Variants in AFG1L observed in about 807,000 individuals in gnomAD.
AFG1L encodes the protein AFG1 like ATPase, also known as AFG1-like ATPase.
In AFG1L, 53 loss-of-function variants were observed where a neutral mutation model predicts 62.2. The ratio of observed to expected loss-of-function variants is 0.85; its 90% CI spans 0.68 to 1.07. The LOEUF (loss-of-function observed/expected upper bound fraction) is 1.07, where lower values mean the gene tolerates loss of function less well. AFG1L is among the 50% of genes least tolerant of loss of function. The pLI is 0.00. For missense variants in AFG1L, 555 were observed against 590.5 expected, an observed-to-expected ratio of 0.94 and a Z score of 0.62; for synonymous variants, 228 against 210.3, an observed-to-expected ratio of 1.08 and a Z score of -0.73.
At chr6:108,485,656 ATTTTTTTTTTTTTTT>A (rs397842829) in intron 10 of AFG1L, among the ~76,000 whole-genome samples, 1 of 25,030 alleles carries the variant, frequency 4.0e-5, no homozygotes, top group Non-Finnish European at 5.7e-5. Flanking sequence ...ATATATATAT[ATTTTTTTTTTTTTTT>A]TTTTTTTTTT....
intron 11 of AFG1L, among the ~76,000 whole-genome samples, chr6:108,514,817 T>C (rs1774812094): frequency 6.6e-6 from 1 of 151,504 alleles, no homozygotes; most frequent in African/African-American, 2.4e-5. Flanking sequence ...ACCAAGCAAA[T>C]GGAAAACAAA....
At chr6:108,499,142 C>T (rs1474684481) in intron 10 of AFG1L, among the ~76,000 whole-genome samples, 2 of 148,706 alleles carry the variant, frequency 1.3e-5, no homozygotes, top group East Asian at 2.0e-4. Flanking sequence ...CATCTTGGTT[C>T]ACTGCAACCT....
In AFG1L at chr6:108,523,207, A is replaced by G. The variant is rs1430686661; in HGVS notation, c.*782A>G. The G allele has an allele frequency of 1.3e-5, 2 of 152,230 alleles. No homozygotes were observed. The highest frequency in any genetic ancestry group is 4.8e-5 in the African/African-American group (2 of 41,424). 9.4% of individuals were successfully genotyped at this position (152,230 alleles called of 1,614,324 possible). A position where few individuals can be genotyped will look rare whatever the true frequency, so the allele number is the denominator to read the frequency against. ...TGGGTGTCAGAGTCGTAGGCACTCCAACAGCAGAGGAGACTCCCGCTCACA... is the reference window on the plus strand; with the variant it reads ...TGGGTGTCAGAGTCGTAGGCACTCCGACAGCAGAGGAGACTCCCGCTCACA... On this transcript the variant is annotated 3_prime_UTR_variant, in exon 13 of 13. Transcript: ENST00000368977.
At chr6:108,505,304 G>A (rs1460049617) in intron 10 of AFG1L, among the ~76,000 whole-genome samples, 4 of 152,082 alleles carry the variant, frequency 2.6e-5, no homozygotes, top group African/African-American at 9.7e-5. Context: ...ATCTTGGCCA[G>A]GCTGGTCTTG....
chr6:108,486,049 A>G (rs1773560063), intron 10 of AFG1L, among the ~76,000 whole-genome samples: 1 of 152,304 alleles, frequency 6.6e-6, no homozygotes, highest in South Asian at 2.1e-4. Flanking sequence ...TAGTAAATGT[A>G]TCAGAGCTCT....
intron 6 of AFG1L, among the ~76,000 whole-genome samples, chr6:108,398,142 A>G (rs1422672021): frequency 1.3e-5 from 2 of 152,104 alleles, no homozygotes; most frequent in Admixed American, 1.3e-4. Flanking sequence ...TTTAAAAGCC[A>G]TTTTAACTGG....
At chr6:108,405,463 C>T (rs964244408) in intron 7 of AFG1L, among the ~76,000 whole-genome samples, 2 of 152,092 alleles carry the variant, frequency 1.3e-5, no homozygotes, top group Non-Finnish European at 2.9e-5. Context: ...CCTCCTGCCC[C>T]AGCCTCCTGA....
intron 6 of AFG1L, among the ~76,000 whole-genome samples, chr6:108,380,901 CT>C (rs1021100151): frequency 6.6e-6 from 1 of 152,224 alleles, no homozygotes; most frequent in Non-Finnish European, 1.5e-5. Context: ...TCACTCATCT[CT>C]ATCAGCTGGA....
chr6:108,463,104 C>T (rs144891934), intron 8 of AFG1L, among the ~76,000 whole-genome samples: 82 of 152,118 alleles, frequency 5.4e-4, no homozygotes, highest in African/African-American at 1.9e-3. Context: ...GCTTGGCCAA[C>T]ATGGTGAAAC....
chr6:108,414,011 T>C (rs1183332858), intron 7 of AFG1L, among the ~76,000 whole-genome samples: 1 of 151,740 alleles, frequency 6.6e-6, no homozygotes, highest in Non-Finnish European at 1.5e-5. Context: ...TCAACAAAAT[T>C]GATAGACCAC....
At chr6:108,476,832 T>A in intron 8 of AFG1L, 33 bp from the exon 9 acceptor site, 8 of 1,539,330 alleles carry the variant, frequency 5.2e-6, no homozygotes, top group Non-Finnish European at 6.3e-6. Context: ...CAAGTGTTAT[T>A]AATTTCATAT....
At chr6:108,441,712 A>AAAAAAAAAT (rs1401294615) in intron 7 of AFG1L, among the ~76,000 whole-genome samples, 39 of 139,494 alleles carry the variant, frequency 2.8e-4, no homozygotes, top group African/African-American at 1.1e-3. Flanking sequence ...AAAAAAAAAA[A>AAAAAAAAAT]ATATATATAT....
rs560184594 is a variant in AFG1L at position 108,515,178 on chromosome 6, A to G, written c.1204-4519A>G. Among the ~76,000 whole-genome samples the G allele has an allele frequency of 5.9e-5, 9 of 152,340 alleles. No homozygotes were observed. In the South Asian group the frequency reaches 1.7e-3, roughly 28 times the overall value. ...AGACATCTACAGAACTCTCCACCCC[A>G]GATCAACAGAATATACATTCTTTTC... On this transcript the variant is annotated intron_variant, in intron 11 of 12. Coordinates refer to ENST00000368977, the MANE Select transcript of AFG1L (RefSeq NM_145315.5).
intron 7 of AFG1L, among the ~76,000 whole-genome samples, chr6:108,404,377 G>A (rs1167265198): frequency 6.6e-6 from 1 of 152,172 alleles, no homozygotes; most frequent in Admixed American, 6.5e-5. Context: ...ACAGAAGCTT[G>A]TGGTTTGTTG....
intron 8 of AFG1L, among the ~76,000 whole-genome samples, chr6:108,471,468 CTTTTTTTTTT>C (rs56375345): frequency 2.0e-5 from 2 of 100,356 alleles, no homozygotes; most frequent in East Asian, 3.2e-4. Flanking sequence ...TGTTCTTCTT[CTTTTTTTTTT>C]TTTTTTTTTT....
intron 6 of AFG1L, among the ~76,000 whole-genome samples, chr6:108,370,363 A>G (rs1043052483): frequency 2.0e-5 from 3 of 152,088 alleles, no homozygotes; most frequent in Non-Finnish European, 4.4e-5. Context: ...ACTAGACAAG[A>G]AATGATGATA....
At chr6:108,510,121 G>A in intron 10 of AFG1L, 91 bp from the exon 11 acceptor site, 1 of 939,970 alleles carries the variant, frequency 1.1e-6, no homozygotes, top group Non-Finnish European at 1.6e-6. Flanking sequence ...ATCACACCAT[G>A]ACAAGAAAGA....
rs761834534 is a variant in AFG1L, at chr6:108,366,218, TG to T, written c.649-14del. 1 of 1,504,616 alleles carries T rather than the reference TG, an allele frequency of 6.6e-7. No homozygotes were observed. The highest frequency in any genetic ancestry group is 9.2e-7 in the Non-Finnish European group (1 of 1,086,172). 93.2% of individuals were successfully genotyped at this position (1,504,616 alleles called of 1,614,324 possible). A position where few individuals can be genotyped will look rare whatever the true frequency, so the allele number is the denominator to read the frequency against. On this transcript the variant is annotated splice_polypyrimidine_tract_variant and intron_variant, in intron 5 of 12. Coordinates refer to ENST00000368977, the MANE Select transcript of AFG1L (RefSeq NM_145315.5). ...AAGTGAAATTAAAATAAAACAAATGTGTTGTTGTCAATAGGTCACTGACATT... is the reference window on the plus strand; with the variant it reads ...AAGTGAAATTAAAATAAAACAAATGTTTGTTGTCAATAGGTCACTGACATT...
intron 1 of AFG1L, among the ~76,000 whole-genome samples, chr6:108,312,784 AGGT>A: frequency 6.6e-6 from 1 of 150,960 alleles, no homozygotes; most frequent in South Asian, 2.1e-4. Context: ...TTTGGTTGTG[AGGT>A]AGAGTCTCAC....
Sources: allele counts gnomAD v4.1 joint callset (sites outside exome capture counted in the v4.1 genomes callset), GRCh38; gene constraint gnomAD v4.1.1; transcripts MANE v1.5; gene names NCBI Gene and HGNC (gene_info 2026-07-23, HGNC 2026-07-21).